Variants in PTPRT observed in about 807,000 individuals in gnomAD.
The protein encoded by PTPRT is receptor-type tyrosine-protein phosphatase T.
PTPRT carries 56 observed loss-of-function variants against 176.8 expected under a neutral mutation model. The observed-to-expected ratio is 0.32, with a 90% CI of 0.26 to 0.40. PTPRT has a LOEUF of 0.40. PTPRT is among the 10% of genes least tolerant of loss of function. The probability of loss-of-function intolerance (pLI) is 1.00; values close to 1 mark genes in which losing one functional copy is unlikely to be tolerated. For synonymous variants in PTPRT, 783 were observed against 739.0 expected (o/e 1.06, Z -0.96); for missense variants, 1,540 against 1,908.2 (o/e 0.81, Z 3.60).
intron 9 of PTPRT, among the ~76,000 whole-genome samples, chr20:42,385,996 C>T (rs2058740819): frequency 6.6e-6 from 1 of 152,254 alleles, no homozygotes; most frequent in African/African-American, 2.4e-5. Context: ...TAAATAGATA[C>T]CTTTGTCCTA....
rs2057841060 is a variant in PTPRT, at chr20:42,323,777, T to A, written c.1866-7781A>T. ...AAAGTGTAATAATAATAAAATAAAA[T>A]AAAAATAAAAAAAAGAAAATATAAA... On this transcript the variant is annotated intron_variant, in intron 11 of 30. Coordinates refer to ENST00000373187, the MANE Select transcript of PTPRT (RefSeq NM_007050.6). Among the ~76,000 whole-genome samples, 4 of 151,112 alleles carry A rather than the reference T, an allele frequency of 2.6e-5. No individual in the cohort carries two copies. The South Asian group carries it at 6.3e-4, about 24-fold the overall frequency.
chr20:42,828,327 G>A lies in PTPRT; in HGVS notation c.215-36861C>T, dbSNP rs185515084. Among the ~76,000 whole-genome samples, 164 of 152,186 alleles carry A rather than the reference G, an allele frequency of 1.1e-3. 1 individual carries two copies. Among genetic ancestry groups the A allele is most frequent in the African/African-American group, 3.1e-3 (128 of 41,528 alleles). ...CTGAGAGAGATAATTTAGGGTATCC[G>A]GTAGAAAAAATTTCTAAGTGGCAAA... On this transcript the variant is annotated intron_variant, in intron 2 of 30. Coordinates refer to ENST00000373187, the MANE Select transcript of PTPRT (RefSeq NM_007050.6).
chr20:43,080,717 G>A (rs2011417441), intron 1 of PTPRT, among the ~76,000 whole-genome samples: 1 of 152,232 alleles, frequency 6.6e-6, no homozygotes, highest in Non-Finnish European at 1.5e-5. Context: ...AACAGGGCAT[G>A]AGCAGAAGTG....
intron 9 of PTPRT, among the ~76,000 whole-genome samples, chr20:42,432,518 G>T (rs7268919): frequency 0.017 from 2,603 of 152,034 alleles, 37 homozygotes; most frequent in Non-Finnish European, 0.026. Flanking sequence ...GAAATCACAC[G>T]TTACTACATT....
At chr20:42,833,501 T>C (rs1207058291) in intron 2 of PTPRT, among the ~76,000 whole-genome samples, 1 of 151,874 alleles carries the variant, frequency 6.6e-6, no homozygotes, top group Non-Finnish European at 1.5e-5. Context: ...ATGGATTGAT[T>C]GAGCCCAGGA....
intron 12 of PTPRT, among the ~76,000 whole-genome samples, chr20:42,293,494 T>A (rs146996557): frequency 5.3e-5 from 8 of 152,322 alleles, no homozygotes; most frequent in African/African-American, 1.9e-4. Context: ...ATCCTTTACT[T>A]GACTTCAACA....
chr20:42,350,658 T>C lies in PTPRT; in HGVS notation c.1835A>G (p.Lys612Arg), dbSNP rs1362941277. Reference protein sequence around the residue: ...ETDTTITVMLKPAQSRGAPVS... With the variant: ...ETDTTITVMLRPAQSRGAPVS... ...AGGAGCTCCCCGGGACTGAGCGGGT[T>C]TCAGCATCACTGTGATGGTCGTGTC... Residue 612 changes from lysine to arginine, a missense_variant, in exon 11 of 31, where the codon AAA becomes AGA. Coordinates refer to ENST00000373187, the MANE Select transcript of PTPRT (RefSeq NM_007050.6). 4 of 1,613,490 alleles carry C rather than the reference T, an allele frequency of 2.5e-6. No homozygotes were observed. The South Asian group carries it at 4.4e-5, about 18-fold the overall frequency.
rs374769374 is a variant in PTPRT, at chr20:43,124,814, C to T, written c.88+64832G>A. On this transcript the variant is annotated intron_variant, in intron 1 of 30. Transcript: ENST00000373187. ...ACAGAAATAAGCAAATTACACTGGG[C>T]TGACTTTAGGAAATAAAGATTTGAA... is the stretch of plus-strand genomic sequence containing the variant. Among the ~76,000 whole-genome samples, 16 of 152,252 alleles carry T rather than the reference C, an allele frequency of 1.1e-4. No individual in the cohort carries two copies. The South Asian group carries it at 1.7e-3, about 16-fold the overall frequency.
intron 2 of PTPRT, among the ~76,000 whole-genome samples, chr20:42,859,582 T>A (rs1027907355): frequency 1.5e-5 from 2 of 135,378 alleles, no homozygotes; most frequent in Non-Finnish European, 3.1e-5. Flanking sequence ...TATTTTTTTT[T>A]TTAATTTTTT....
At chr20:42,236,136 A>G (rs1231412318) in intron 15 of PTPRT, 93 bp downstream of exon 15, 39 of 1,120,002 alleles carry the variant, frequency 3.5e-5, no homozygotes, top group Non-Finnish European at 4.1e-5. Flanking sequence ...AGTGAAAATG[A>G]GAAACTAACA....
chr20:42,746,383 G>A (rs560163173), intron 6 of PTPRT, among the ~76,000 whole-genome samples: 1 of 152,232 alleles, frequency 6.6e-6, no homozygotes, highest in East Asian at 1.9e-4. Context: ...GTGGGGAACC[G>A]GGCACCCATG....
Position 42,595,639 on chromosome 20 carries a change from C to A in PTPRT, c.1153+82227G>T, listed in dbSNP as rs369990309. Among the ~76,000 whole-genome samples, 4 of 152,290 alleles carry A rather than the reference C, an allele frequency of 2.6e-5. No homozygotes were observed. The East Asian group carries it at 5.8e-4, about 22-fold the overall frequency. On this transcript the variant is annotated intron_variant, in intron 7 of 30. Coordinates refer to ENST00000373187, the MANE Select transcript of PTPRT (RefSeq NM_007050.6). ...ACTGGAGACCCCAAGCATGCTGCAG[C>A]CCCTACCTAACAGATCTTCATTTAT...
intron 2 of PTPRT, among the ~76,000 whole-genome samples, chr20:42,822,576 C>T (rs908245619): frequency 1.8e-4 from 27 of 152,080 alleles, no homozygotes; most frequent in African/African-American, 6.5e-4. Context: ...TAAAGAGCTC[C>T]TGCACAGCAA....
At position 42,098,526 on chromosome 20, in the gene PTPRT, C is replaced by T; in HGVS notation, c.3741G>A (p.Val1247=). Residue 1247 remains valine, a synonymous_variant, in exon 27 of 31, where the codon GTG becomes GTA. Coordinates refer to ENST00000373187, the MANE Select transcript of PTPRT (RefSeq NM_007050.6). ...TGTTGGGTAGAGGGTGCTGGGTGACCACGAAGGCGGCAGGCTGCTTGTGGC... is the reference window on the plus strand; with the variant it reads ...TGTTGGGTAGAGGGTGCTGGGTGACTACGAAGGCGGCAGGCTGCTTGTGGC... The part of the protein sequence containing the change: ...MDSHKQPAAF[V]VTQHPLPNTV... 6.2e-7 allele frequency: 1 copy of T among 1,614,146 alleles called. No individual in the cohort carries two copies. The highest frequency in any genetic ancestry group is 2.2e-5 in the East Asian group (1 of 44,876).
intron 13 of PTPRT, among the ~76,000 whole-genome samples, chr20:42,269,416 C>A (rs1600755582): frequency 6.6e-6 from 1 of 152,284 alleles, no homozygotes; most frequent in African/African-American, 2.4e-5. Context: ...ATTGTCTGGG[C>A]AAGGACTTTG....
chr20:42,425,166 T>C (rs1270663024), intron 9 of PTPRT, among the ~76,000 whole-genome samples: 1 of 152,012 alleles, frequency 6.6e-6, no homozygotes, highest in Non-Finnish European at 1.5e-5. Context: ...CTGGGAAACA[T>C]TGATGAACAA....
intron 1 of PTPRT, among the ~76,000 whole-genome samples, chr20:43,021,851 A>G (rs1568738098): frequency 6.7e-6 from 1 of 149,892 alleles, no homozygotes; most frequent in African/African-American, 2.4e-5. Context: ...TCAAGGGTGT[A>G]TGGTTGTCAG....
intron 7 of PTPRT, among the ~76,000 whole-genome samples, chr20:42,537,858 C>T (rs946862833): frequency 3.3e-5 from 5 of 152,090 alleles, no homozygotes; most frequent in African/African-American, 7.2e-5. Context: ...AAAGTATGGA[C>T]GCACAACTAA....
chr20:42,955,209 C>T (rs555390172), intron 1 of PTPRT, among the ~76,000 whole-genome samples: 2 of 152,284 alleles, frequency 1.3e-5, no homozygotes, highest in East Asian at 3.9e-4. Flanking sequence ...TCTGTATTAA[C>T]ACCATTAATC....
Sources: allele counts gnomAD v4.1 joint callset (sites outside exome capture counted in the v4.1 genomes callset), GRCh38; gene constraint gnomAD v4.1.1; transcripts MANE v1.5; gene names NCBI Gene and HGNC (gene_info 2026-07-23, HGNC 2026-07-21).